KMT2C: variants seen among roughly 807,000 people sequenced by gnomAD.
KMT2C encodes the protein lysine methyltransferase 2C.
In KMT2C, 88 loss-of-function variants were observed where a neutral mutation model predicts 507.9. The ratio of observed to expected loss-of-function variants is 0.17; its 90% CI spans 0.15 to 0.21. KMT2C has a LOEUF of 0.21. KMT2C is among the 10% of genes least tolerant of loss of function. The pLI, the probability that KMT2C is intolerant of heterozygous loss-of-function variation, is 1.00. For missense variants in KMT2C, 4,954 were observed against 5,957.8 expected, an observed-to-expected ratio of 0.83 and a Z score of 5.55; for synonymous variants, 2,049 against 2,080.8, an observed-to-expected ratio of 0.98 and a Z score of 0.42.
chr7:152,265,969 G>C (rs2095852036), intron 7 of KMT2C, among the ~76,000 whole-genome samples: 1 of 152,266 alleles, frequency 6.6e-6, no homozygotes, highest in East Asian at 1.9e-4. Flanking sequence ...AAACTGCCCT[G>C]CCAAATATAC....
In KMT2C at chr7:152,206,214, G is replaced by A. The variant is rs746435215; in HGVS notation, c.3842-989C>T. Among the ~76,000 whole-genome samples the A allele has an allele frequency of 8.6e-5, 13 of 151,898 alleles. No homozygotes were observed. In the East Asian group the frequency reaches 1.5e-3, roughly 18 times the overall value. ...CTATAAGCTTTTGTGAAATGATATC[G>A]TTGTCTAGCAATTTACTCCGTGACC... On this transcript the variant is annotated intron_variant, in intron 24 of 58. Coordinates refer to ENST00000262189, the MANE Select transcript of KMT2C (RefSeq NM_170606.3).
At chr7:152,253,194 G>T (rs914238559) in intron 9 of KMT2C, among the ~76,000 whole-genome samples, 2 of 152,012 alleles carry the variant, frequency 1.3e-5, no homozygotes, top group African/African-American at 4.8e-5. Flanking sequence ...TTCAATGTCT[G>T]ATGTGGCCTC....
Position 152,412,327 on chromosome 7 carries a change from G to C in KMT2C, c.161+23299C>G, listed in dbSNP as rs551683767. 2.6e-5 allele frequency among the ~76,000 whole-genome samples: 4 copies of C among 152,318 alleles called. No homozygotes were observed. In the South Asian group the frequency reaches 8.3e-4, roughly 32 times the overall value. On this transcript the variant is annotated intron_variant, in intron 1 of 58. Coordinates refer to ENST00000262189, the MANE Select transcript of KMT2C (RefSeq NM_170606.3). ...GAGGCAGGAGAATGGCTTGAACCCGGGAGGCGGAGGTTGCAGTGAGCTGAG... is the reference window on the plus strand; with the variant it reads ...GAGGCAGGAGAATGGCTTGAACCCGCGAGGCGGAGGTTGCAGTGAGCTGAG...
chr7:152,184,020 C>T (rs889417486), intron 34 of KMT2C, among the ~76,000 whole-genome samples: 8 of 146,902 alleles, frequency 5.4e-5, no homozygotes, highest in Non-Finnish European at 1.0e-4. Context: ...TGCAGTGAGC[C>T]GAGATCGCAC....
chr7:152,143,298 C>T (rs538804905), intron 55 of KMT2C, among the ~76,000 whole-genome samples: 19 of 152,194 alleles, frequency 1.2e-4, no homozygotes, highest in African/African-American at 4.1e-4. Flanking sequence ...AGAAAGGGCT[C>T]GTAGCTAATC....
intron 43 of KMT2C, among the ~76,000 whole-genome samples, chr7:152,159,624 G>A (rs932526311): frequency 2.0e-5 from 3 of 152,332 alleles, no homozygotes; most frequent in South Asian, 2.1e-4. Context: ...GTTCACAACC[G>A]TATTTGACTG....
chr7:152,365,583 G>A (rs925441671), intron 1 of KMT2C, among the ~76,000 whole-genome samples: 13 of 152,048 alleles, frequency 8.5e-5, no homozygotes, highest in African/African-American at 2.2e-4. Context: ...ATGGAGTCTC[G>A]CTATATTGCT....
chr7:152,226,767 C>CT (rs934932706), intron 18 of KMT2C, among the ~76,000 whole-genome samples: 7 of 152,018 alleles, frequency 4.6e-5, no homozygotes, highest in Non-Finnish European at 1.0e-4. Context: ...TCTGTTGCAA[C>CT]TTTATAAAAA....
At chr7:152,147,575 CGCAA>C (rs1312325393) in intron 52 of KMT2C, among the ~76,000 whole-genome samples, 1 of 151,682 alleles carries the variant, frequency 6.6e-6, no homozygotes, top group Non-Finnish European at 1.5e-5. Flanking sequence ...GGCATGGTAG[CGCAA>C]GCCTGTAATC....
chr7:152,341,091 A>T (rs899766363), intron 2 of KMT2C, among the ~76,000 whole-genome samples: 1 of 152,222 alleles, frequency 6.6e-6, no homozygotes, highest in African/African-American at 2.4e-5. Flanking sequence ...ACCAATATTG[A>T]TCTTCTTCTG....
intron 55 of KMT2C, among the ~76,000 whole-genome samples, chr7:152,143,024 C>T (rs571365567): frequency 2.0e-5 from 3 of 152,306 alleles, no homozygotes; most frequent in Admixed American, 1.3e-4. Context: ...TTAAAGGTGA[C>T]AGGTTGAACA....
intron 2 of KMT2C, among the ~76,000 whole-genome samples, chr7:152,349,159 A>G (rs960438505): frequency 2.0e-5 from 3 of 152,146 alleles, no homozygotes; most frequent in African/African-American, 7.2e-5. Flanking sequence ...AAAGACACGG[A>G]GGAGGGCTGG....
At chr7:152,249,978 C>A (rs775815852) in intron 12 of KMT2C, 25 bp from the exon 13 acceptor site, 1 of 1,493,174 alleles carries the variant, frequency 6.7e-7, no homozygotes, top group Non-Finnish European at 9.3e-7. Flanking sequence ...TTTATAAAAT[C>A]TCTAAGGAGT....
At chr7:152,211,849 C>G (rs560013206) in intron 23 of KMT2C, among the ~76,000 whole-genome samples, 2 of 152,240 alleles carry the variant, frequency 1.3e-5, no homozygotes, top group African/African-American at 4.8e-5. Context: ...GAGATAGACA[C>G]CATCCTGGCT....
intron 1 of KMT2C, among the ~76,000 whole-genome samples, chr7:152,399,820 G>T (rs1344594813): frequency 6.6e-6 from 1 of 151,966 alleles, no homozygotes; most frequent in Non-Finnish European, 1.5e-5. Context: ...ATTGGCGGGG[G>T]AGGAAATGAA....
At chr7:152,387,180 CAA>C (rs1357322583) in intron 1 of KMT2C, among the ~76,000 whole-genome samples, 4 of 151,748 alleles carry the variant, frequency 2.6e-5, no homozygotes, top group Non-Finnish European at 4.4e-5. Context: ...CCATGTAGTA[CAA>C]GTTTTAACTT....
intron 1 of KMT2C, among the ~76,000 whole-genome samples, chr7:152,372,933 T>G (rs1372021361): frequency 6.6e-6 from 1 of 152,208 alleles, no homozygotes; most frequent in Non-Finnish European, 1.5e-5. Context: ...ACACAGAATA[T>G]TCTCCAGGAT....
At chr7:152,229,482 C>T (rs1320823473) in intron 18 of KMT2C, among the ~76,000 whole-genome samples, 1 of 152,096 alleles carries the variant, frequency 6.6e-6, no homozygotes, top group Non-Finnish European at 1.5e-5. Context: ...AAATATGACA[C>T]TTGTTTTGTT....
intron 31 of KMT2C, among the ~76,000 whole-genome samples, chr7:152,193,546 A>G (rs773450297): frequency 6.6e-6 from 1 of 152,208 alleles, no homozygotes; most frequent in African/African-American, 2.4e-5. Flanking sequence ...ATAATTACCC[A>G]AACAGGTATT....
Sources: gnomAD v4.1 joint callset for allele counts (sites outside exome capture counted in the v4.1 genomes callset) on GRCh38, gnomAD v4.1.1 for gene constraint, MANE v1.5 for transcripts, NCBI Gene and HGNC (gene_info 2026-07-23, HGNC 2026-07-21) for gene names.